Variants in TSPAN18 observed in about 807,000 individuals in gnomAD.
The protein encoded by TSPAN18 is tetraspanin 18.
Under a neutral mutation model 27.3 loss-of-function variants are expected in TSPAN18, and 14 were observed. The ratio of observed to expected loss-of-function variants is 0.51; its 90% confidence interval spans 0.34 to 0.80. The LOEUF is 0.80. Ranked by LOEUF, TSPAN18 falls within the 30% of genes least tolerant of loss-of-function variation. TSPAN18 has a pLI of 0.01. For missense variants in TSPAN18, 268 were observed against 323.9 expected, an observed-to-expected ratio of 0.83 and a Z score of 1.32; for synonymous variants, 143 against 136.5, an observed-to-expected ratio of 1.05 and a Z score of -0.33.
At chr11:44,731,147 A>T (rs1031511672) in intron 1 of TSPAN18, among the ~76,000 whole-genome samples, 1 of 152,218 alleles carries the variant, frequency 6.6e-6, no homozygotes. Flanking sequence ...AACAGGATGG[A>T]GCAGAAAGGT....
intron 2 of TSPAN18, among the ~76,000 whole-genome samples, chr11:44,828,411 A>G (rs1857088434): frequency 6.6e-6 from 1 of 152,032 alleles, no homozygotes; most frequent in Non-Finnish European, 1.5e-5. Context: ...GGCAATTCTG[A>G]TTCGTCTAGA....
chr11:44,842,949 G>A (rs888190573), intron 2 of TSPAN18, among the ~76,000 whole-genome samples: 5 of 151,396 alleles, frequency 3.3e-5, no homozygotes, highest in Non-Finnish European at 2.9e-5. Context: ...CCCCAACCAG[G>A]TGACTACCAT....
chr11:44,881,210 A>G (rs1452504348), intron 3 of TSPAN18, among the ~76,000 whole-genome samples: 3 of 152,166 alleles, frequency 2.0e-5, no homozygotes, highest in Admixed American at 1.3e-4. Context: ...CATGTCTGGC[A>G]CTCGCAGATC....
chr11:44,909,486 A>G, intron 4 of TSPAN18: 1 of 540,676 alleles, frequency 1.8e-6, no homozygotes, highest in East Asian at 3.0e-5. Flanking sequence ...GATTTAGAGG[A>G]TGCGTGTTGC....
chr11:44,853,744 C>T (rs776683838), intron 2 of TSPAN18, among the ~76,000 whole-genome samples: 2 of 152,160 alleles, frequency 1.3e-5, no homozygotes, highest in Non-Finnish European at 2.9e-5. Context: ...CTGGAGTGGA[C>T]ATGCATTTCC....
chr11:44,733,942 C>T (rs1382189490), intron 1 of TSPAN18, among the ~76,000 whole-genome samples: 1 of 152,156 alleles, frequency 6.6e-6, no homozygotes, highest in Non-Finnish European at 1.5e-5. Context: ...TTGATCTCCA[C>T]TGTTGGAGGT....
intron 2 of TSPAN18, among the ~76,000 whole-genome samples, chr11:44,798,013 C>T (rs1856389281): frequency 6.6e-6 from 1 of 152,162 alleles, no homozygotes; most frequent in Non-Finnish European, 1.5e-5. Flanking sequence ...CCAGCATTTC[C>T]CAGACTTCAT....
rs143761026 is a variant in TSPAN18 at position 44,899,995 on chromosome 11, T to C, written c.-10-6412T>C. On this transcript the variant is annotated intron_variant, in intron 3 of 9. Coordinates refer to ENST00000520358, the MANE Select transcript of TSPAN18 (RefSeq NM_130783.5). ...AACAAAGCTCTTGGACCTCATAGTC[T>C]CAATTTTCTTCTCGCCCCACCCTCC... is the stretch of plus-strand genomic sequence containing the variant. 9.9e-4 allele frequency among the ~76,000 whole-genome samples: 151 copies of C among 152,342 alleles called. 1 individual carries two copies. Among genetic ancestry groups the C allele is most frequent in the African/African-American group, 3.3e-3 (139 of 41,564 alleles).
chr11:44,810,382 A>G (rs1856687550), intron 2 of TSPAN18, among the ~76,000 whole-genome samples: 1 of 151,978 alleles, frequency 6.6e-6, no homozygotes, highest in Admixed American at 6.6e-5. Context: ...GGAGTCATAC[A>G]CTATGTGGCC....
intron 4 of TSPAN18, among the ~76,000 whole-genome samples, chr11:44,907,447 CCCTCTCTATCTCTA>C (rs1182392870): frequency 6.6e-6 from 1 of 152,198 alleles, no homozygotes; most frequent in Admixed American, 6.5e-5. Flanking sequence ...GTCTATCTTT[CCCTCTCTATCTCTA>C]CCTCTATATC....
chr11:44,926,767 G>C lies in TSPAN18; in HGVS notation c.699+10G>C, dbSNP rs768848393. The C allele has an allele frequency of 6.2e-7, 1 of 1,613,958 alleles. No homozygotes were observed. Among genetic ancestry groups the C allele is most frequent in the Admixed American group, 1.7e-5 (1 of 60,020 alleles). On this transcript the variant is annotated intron_variant, in intron 9 of 9. Coordinates refer to ENST00000520358, the MANE Select transcript of TSPAN18 (RefSeq NM_130783.5). ...GGTACTGGCCATCGAGGTAAGTAAA[G>C]GCCCCCACTTCTGCCGCTCCCCAGG... is the stretch of plus-strand genomic sequence containing the variant.
intron 3 of TSPAN18, among the ~76,000 whole-genome samples, chr11:44,902,296 G>A (rs1447434219): frequency 6.6e-6 from 1 of 152,230 alleles, no homozygotes; most frequent in Non-Finnish European, 1.5e-5. Context: ...AGACACAGAG[G>A]TAGAAAAGGT....
chr11:44,784,371 G>A (rs1856007787), intron 2 of TSPAN18, among the ~76,000 whole-genome samples: 3 of 152,146 alleles, frequency 2.0e-5, no homozygotes, highest in Non-Finnish European at 4.4e-5. Flanking sequence ...CAGGGCCTCT[G>A]TTTTCAGCTC....
In TSPAN18 at chr11:44,814,324, G is replaced by T. The variant is rs1590517639; in HGVS notation, c.-152-46004G>T. On this transcript the variant is annotated intron_variant, in intron 2 of 9. Transcript: ENST00000520358. ...TGCCCCTCTTCCCATCCCCCAGATA[G>T]GAAGGACTGGGCTTTACAATGAAGA... Among the ~76,000 whole-genome samples, 6 of 152,216 alleles carry T rather than the reference G, an allele frequency of 3.9e-5. No homozygotes were observed. The South Asian group carries it at 1.2e-3, about 32-fold the overall frequency.
At chr11:44,803,846 AGAT>A (rs1349337241) in intron 2 of TSPAN18, among the ~76,000 whole-genome samples, 1 of 152,198 alleles carries the variant, frequency 6.6e-6, no homozygotes, top group Admixed American at 6.5e-5. Flanking sequence ...GGGGCCAGAG[AGAT>A]GATAAACTCA....
At chr11:44,877,305 G>A (rs2135250472) in intron 3 of TSPAN18, among the ~76,000 whole-genome samples, 1 of 152,298 alleles carries the variant, frequency 6.6e-6, no homozygotes, top group African/African-American at 2.4e-5. Context: ...TTAAAATGTG[G>A]TTCATCTAAT....
At chr11:44,746,844 A>G (rs779749653) in intron 1 of TSPAN18, among the ~76,000 whole-genome samples, 5 of 152,174 alleles carry the variant, frequency 3.3e-5, no homozygotes, top group African/African-American at 7.2e-5. Context: ...GCAGAGCTTC[A>G]TTTGCCCACT....
chr11:44,840,276 G>C (rs576425013), intron 2 of TSPAN18, among the ~76,000 whole-genome samples: 1 of 152,212 alleles, frequency 6.6e-6, no homozygotes, highest in Non-Finnish European at 1.5e-5. Flanking sequence ...GGGAGTGGGG[G>C]AGGCAGCCTT....
intron 1 of TSPAN18, among the ~76,000 whole-genome samples, chr11:44,753,958 G>A (rs1380813370): frequency 6.6e-6 from 1 of 152,126 alleles, no homozygotes; most frequent in Non-Finnish European, 1.5e-5. Context: ...TCCCTTGACC[G>A]AGCTCTCTGG....
Sources: allele counts gnomAD v4.1 joint callset (sites outside exome capture counted in the v4.1 genomes callset), GRCh38; gene constraint gnomAD v4.1.1; transcripts MANE v1.5; gene names NCBI Gene and HGNC (gene_info 2026-07-23, HGNC 2026-07-21).